Variants in DROSHA observed in about 807,000 individuals in gnomAD.
The protein encoded by DROSHA is drosha ribonuclease III, also known as ribonuclease 3.
Under a neutral mutation model 181.9 loss-of-function variants are expected in DROSHA, and 56 were observed. The ratio of observed to expected loss-of-function variants is 0.31; its 90% CI spans 0.25 to 0.38. The LOEUF (loss-of-function observed/expected upper bound fraction) is 0.38. Ranked by LOEUF, DROSHA falls within the 10% of genes least tolerant of loss-of-function variation. The pLI is 1.00. For missense variants in DROSHA, 1,218 were observed against 1,743.5 expected, an observed-to-expected ratio of 0.70 and a Z score of 5.37; for synonymous variants, 524 against 591.2, an observed-to-expected ratio of 0.89 and a Z score of 1.65.
intron 30 of DROSHA, among the ~76,000 whole-genome samples, chr5:31,414,460 A>C (rs1741717605): frequency 6.6e-6 from 1 of 152,204 alleles, no homozygotes; most frequent in Admixed American, 6.5e-5. Context: ...ATTTAGCACC[A>C]AGTTACCTGG....
chr5:31,513,928 G>A (rs538378564), intron 8 of DROSHA, among the ~76,000 whole-genome samples: 100 of 152,184 alleles, frequency 6.6e-4, no homozygotes, highest in Non-Finnish European at 1.4e-3. Flanking sequence ...GAGCAAAAAG[G>A]TGACAGTGAC....
chr5:31,522,739 C>T (rs550502772), intron 5 of DROSHA, among the ~76,000 whole-genome samples: 3 of 152,266 alleles, frequency 2.0e-5, no homozygotes, highest in Non-Finnish European at 2.9e-5. Flanking sequence ...AGAATTCTTG[C>T]GTGGTAGCAC....
In DROSHA at chr5:31,498,075, G is replaced by C. The variant is rs531070448; in HGVS notation, c.1669-2703C>G. Reference sequence around the variant, plus strand: ...AAAGGAGTTTAAACTATTCTTGTAAGGGGAAACTTTGTTTTAAGACTTATG... The same window carrying C: ...AAAGGAGTTTAAACTATTCTTGTAACGGGAAACTTTGTTTTAAGACTTATG... On this transcript the variant is annotated intron_variant, in intron 11 of 35. Coordinates refer to ENST00000344624, the MANE Select transcript of DROSHA (RefSeq NM_001382508.1). Among the ~76,000 whole-genome samples the C allele has an allele frequency of 2.0e-5, 3 of 152,292 alleles. No homozygotes were observed. The East Asian group carries it at 5.8e-4, about 29-fold the overall frequency.
At position 31,472,092 on chromosome 5, in the gene DROSHA, T is replaced by G; in HGVS notation, c.2212A>C (p.Lys738Gln). 1 of 1,613,896 alleles carries G rather than the reference T, an allele frequency of 6.2e-7. No individual in the cohort carries two copies. The highest frequency in any genetic ancestry group is 8.5e-7 in the Non-Finnish European group (1 of 1,179,850). Reference sequence around the variant, plus strand: ...CCAGGGTTGGTAACAATCATGCCTTTGCATTCTTCTGCATATTTCTGCCAC... The same window carrying G: ...CCAGGGTTGGTAACAATCATGCCTTGGCATTCTTCTGCATATTTCTGCCAC... ...LEWQKYAEEC[K>Q]GMIVTNPGTK... is the part of the protein sequence containing the mutation. The change falls in exon 17 of 36, where the codon AAA becomes CAA. Residue 738 changes from lysine (K) to glutamine (Q), a missense_variant. By Grantham distance (53) the Lys-to-Gln change is moderately conservative. Coordinates refer to ENST00000344624, the MANE Select transcript of DROSHA (RefSeq NM_001382508.1).
chr5:31,514,065 T>C lies in DROSHA; in HGVS notation c.1290+923A>G, dbSNP rs1332027817. On this transcript the variant is annotated intron_variant, in intron 8 of 35. Transcript: ENST00000344624. The surrounding 1 kb of genome is among the most constrained non-coding windows in gnomAD (Gnocchi z 4.4). ...GCGCCCCGGCCCTGGCAGCATGTGC[T>C]CTAGGAGTCCTCCCTCCAGCCCATT... Among the ~76,000 whole-genome samples, 1 of 152,174 alleles carries C rather than the reference T, an allele frequency of 6.6e-6. No individual in the cohort carries two copies. Among genetic ancestry groups the C allele is most frequent in the Non-Finnish European group, 1.5e-5 (1 of 68,022 alleles).
rs1749790237 is a variant in DROSHA, at chr5:31,472,054, A to T, written c.2241+9T>A. ...TCCAGCCTCTGAATATACAGACACC[A>T]GAACATACCGTCCCAGGGTTGGTAA... On this transcript the variant is annotated intron_variant, in intron 17 of 35. Transcript: ENST00000344624. The T allele has an allele frequency of 6.2e-7, 1 of 1,612,620 alleles. No individual in the cohort carries two copies. Among genetic ancestry groups the T allele is most frequent in the Non-Finnish European group, 8.5e-7 (1 of 1,179,266 alleles).
intron 9 of DROSHA, among the ~76,000 whole-genome samples, chr5:31,510,175 G>A (rs1009465913): frequency 6.6e-6 from 1 of 151,922 alleles, no homozygotes; most frequent in African/African-American, 2.4e-5. Context: ...CATAGTAGTA[G>A]CATAATGAAA....
intron 21 of DROSHA, among the ~76,000 whole-genome samples, chr5:31,451,015 A>G (rs1746939370): frequency 6.6e-6 from 1 of 152,188 alleles, no homozygotes; most frequent in African/African-American, 2.4e-5. Flanking sequence ...CAGCCTGGCC[A>G]ACATGGCAAA....
At chr5:31,418,508 A>G in intron 30 of DROSHA, among the ~76,000 whole-genome samples, 1 of 152,102 alleles carries the variant, frequency 6.6e-6, no homozygotes, top group African/African-American at 2.4e-5. Context: ...GGCTCAAGCA[A>G]TCCTCCCAGG....
intron 25 of DROSHA, among the ~76,000 whole-genome samples, chr5:31,433,624 A>C (rs559037461): frequency 6.6e-5 from 10 of 152,218 alleles, no homozygotes; most frequent in African/African-American, 2.2e-4. Flanking sequence ...GGCTCACTGC[A>C]AGCTCTGCCT....
chr5:31,410,614 A>C, intron 31 of DROSHA, 132 bp downstream of exon 31: 1 of 1,332,190 alleles, frequency 7.5e-7, no homozygotes, highest in Non-Finnish European at 1.0e-6. Flanking sequence ...TTTGGTAAAA[A>C]GCATAAAAAA....
chr5:31,459,415 A>AAAC (rs1491218289), intron 20 of DROSHA, among the ~76,000 whole-genome samples: 6 of 16,742 alleles, frequency 3.6e-4, no homozygotes, highest in Non-Finnish European at 5.0e-4. Context: ...CCCATGTCTT[A>AAAC]AAAAAAAAAA....
chr5:31,506,362 C>CAAAA (rs35198823), intron 10 of DROSHA, among the ~76,000 whole-genome samples: 6 of 123,940 alleles, frequency 4.8e-5, no homozygotes, highest in Non-Finnish European at 6.5e-5. Flanking sequence ...GACCCCGTCT[C>CAAAA]AAAAAAAAAA....
At chr5:31,469,669 G>A (rs1749514514) in intron 17 of DROSHA, among the ~76,000 whole-genome samples, 1 of 151,448 alleles carries the variant, frequency 6.6e-6, no homozygotes, top group African/African-American at 2.4e-5. Context: ...ACCATGCCAT[G>A]GTACCAACAC....
At position 31,488,558 on chromosome 5, in the gene DROSHA, T is replaced by C. The variant is rs1037522943; in HGVS notation, c.1843-1996A>G. On this transcript the variant is annotated intron_variant, in intron 13 of 35. Transcript: ENST00000344624. Reference sequence around the variant, plus strand: ...AGTAATTTCACAGTTCAGATAGAAGTGCGTGGAGAGAGAGAGATGCCAGAT... The same window carrying C: ...AGTAATTTCACAGTTCAGATAGAAGCGCGTGGAGAGAGAGAGATGCCAGAT... 5.3e-5 allele frequency among the ~76,000 whole-genome samples: 8 copies of C among 151,860 alleles called. No individual in the cohort carries two copies. The South Asian group carries it at 1.5e-3, about 28-fold the overall frequency.
chr5:31,499,594 C>T (rs1753357381), intron 11 of DROSHA, among the ~76,000 whole-genome samples: 1 of 152,152 alleles, frequency 6.6e-6, no homozygotes, highest in African/African-American at 2.4e-5. Flanking sequence ...AGAACAATGG[C>T]TATGATCCTT....
chr5:31,429,461 T>G lies in DROSHA; in HGVS notation c.3216+14A>C. On this transcript the variant is annotated intron_variant, in intron 27 of 35. Coordinates refer to ENST00000344624, the MANE Select transcript of DROSHA (RefSeq NM_001382508.1). ...ATATATAACAAAAAAAATCAAATGA[T>G]TCCATAGAAATACCGGATCATTAAA... 6.2e-7 allele frequency: 1 copy of G among 1,600,602 alleles called. No individual in the cohort carries two copies. The highest frequency in any genetic ancestry group is 8.5e-7 in the Non-Finnish European group (1 of 1,174,854).
chr5:31,436,976 T>C (rs531808538), intron 24 of DROSHA, among the ~76,000 whole-genome samples: 21 of 152,316 alleles, frequency 1.4e-4, no homozygotes, highest in Non-Finnish European at 2.6e-4. Flanking sequence ...TGATCTCTTG[T>C]GGCTGTAAGC....
At chr5:31,433,402 T>C (rs1744409566) in intron 25 of DROSHA, among the ~76,000 whole-genome samples, 1 of 152,338 alleles carries the variant, frequency 6.6e-6, no homozygotes, top group African/African-American at 2.4e-5. Flanking sequence ...TTGCTATCTC[T>C]GGAGCCCTGC....
Sources: gnomAD v4.1 joint callset for allele counts (sites outside exome capture counted in the v4.1 genomes callset) on GRCh38, gnomAD v4.1.1 for gene constraint, Gnocchi (gnomAD v3.1) non-coding constraint, MANE v1.5 for transcripts, NCBI Gene and HGNC (gene_info 2026-07-23, HGNC 2026-07-21) for gene names.